The following RAB11FIP2 variants were observed in gnomAD, a reference collection of about 807,000 sequenced individuals.
RAB11FIP2 encodes the protein RAB11 family interacting protein 2.
In RAB11FIP2, 16 loss-of-function variants were observed where a neutral mutation model predicts 40.9. That is an observed-to-expected ratio of 0.39 (90% CI 0.26 to 0.59). RAB11FIP2 has a LOEUF of 0.59. Ranked by LOEUF, RAB11FIP2 falls within the 20% of genes least tolerant of loss-of-function variation. The pLI, the probability that RAB11FIP2 is intolerant of heterozygous loss-of-function variation, is 0.53. For synonymous variants in RAB11FIP2, 228 were observed against 213.7 expected (o/e 1.07, Z -0.58); for missense variants, 532 against 606.2 (o/e 0.88, Z 1.28).
At position 118,040,187 on chromosome 10, in the gene RAB11FIP2, GC is replaced by G; in HGVS notation, c.731del (p.Gly244AlafsTer3). The G allele has an allele frequency of 6.2e-7, 1 of 1,613,806 alleles. No individual in the cohort carries two copies. Among genetic ancestry groups the G allele is most frequent in the Non-Finnish European group, 8.5e-7 (1 of 1,179,758 alleles). On this transcript the variant is annotated frameshift_variant, in exon 2 of 5. Coordinates refer to ENST00000355624, the MANE Select transcript of RAB11FIP2 (RefSeq NM_014904.3). LOFTEE classifies it high-confidence loss of function. ...CGAGAAGATGTGTTTGACCTATGGT[GC>G]CAGCCTTCAGTTTCTCAGAAGACAT... ...SHMSSEKLKA[G>X]TIGQTHLLGH...
Position 118,039,395 on chromosome 10 carries a change from G to T in RAB11FIP2, c.842C>A (p.Ser281Tyr). Residue 281 changes from serine to tyrosine, a missense_variant, in exon 3 of 5, where the codon TCT (serine) becomes TAT (tyrosine). Coordinates refer to ENST00000355624, the MANE Select transcript of RAB11FIP2 (RefSeq NM_014904.3). ...PHRRTLSFDTSKMNQPDSIVD... is the reference protein window; with the variant it reads ...PHRRTLSFDTYKMNQPDSIVD... ...AATGCTGTCAGGTTGGTTCATTTTA[G>T]AAGTATCAAAGCTTAATGTTCTTCT... The T allele has an allele frequency of 6.2e-7, 1 of 1,613,318 alleles. No individual in the cohort carries two copies.
chr10:118,045,048 A>T (rs1338973017), intron 1 of RAB11FIP2, among the ~76,000 whole-genome samples: 1 of 152,172 alleles, frequency 6.6e-6, no homozygotes, highest in Admixed American at 6.5e-5. Context: ...CTCAAGCTCA[A>T]AAGTCATACT....
rs980491716 is a variant in RAB11FIP2, at chr10:118,006,519, C to A, written c.*2479G>T. On this transcript the variant is annotated 3_prime_UTR_variant, in exon 5 of 5. Coordinates refer to ENST00000355624, the MANE Select transcript of RAB11FIP2 (RefSeq NM_014904.3). ...GTTTTGGAAAAATAAACTAAGGTGA[C>A]CTTTTTGGCCTCTTTTTCTACAACG... The A allele has an allele frequency of 1.3e-5, 2 of 152,068 alleles. No individual in the cohort carries two copies. The highest frequency in any genetic ancestry group is 2.9e-5 in the Non-Finnish European group (2 of 67,968). The allele number at this position is 152,068 out of a possible 1,614,324, so 9.4% of individuals were successfully genotyped here.
intron 3 of RAB11FIP2, among the ~76,000 whole-genome samples, chr10:118,026,354 A>T (rs1399398525): frequency 4.6e-5 from 7 of 152,244 alleles, no homozygotes; most frequent in Non-Finnish European, 1.0e-4. Context: ...AAACATTAAA[A>T]ATACAATGAA....
intron 3 of RAB11FIP2, among the ~76,000 whole-genome samples, chr10:118,019,805 G>T (rs1846262057): frequency 6.7e-6 from 1 of 150,212 alleles, no homozygotes; most frequent in South Asian, 2.1e-4. Flanking sequence ...CAACCTGGGG[G>T]AAGGAGCGAG....
At chr10:118,033,448 C>A (rs1402253566) in intron 3 of RAB11FIP2, among the ~76,000 whole-genome samples, 5 of 151,994 alleles carry the variant, frequency 3.3e-5, no homozygotes, top group Admixed American at 6.6e-5. Flanking sequence ...AGACCTAGTA[C>A]AATAAACATT....
chr10:118,015,340 A>C (rs1409417715), intron 3 of RAB11FIP2, among the ~76,000 whole-genome samples: 1 of 152,218 alleles, frequency 6.6e-6, no homozygotes, highest in Non-Finnish European at 1.5e-5. Flanking sequence ...TCAGAACTGA[A>C]GAATGAAATA....
intron 3 of RAB11FIP2, among the ~76,000 whole-genome samples, chr10:118,022,523 A>G (rs1005974710): frequency 6.6e-6 from 1 of 152,224 alleles, no homozygotes; most frequent in African/African-American, 2.4e-5. Context: ...AATGCCAAGG[A>G]ACAATCTACT....
intron 3 of RAB11FIP2, among the ~76,000 whole-genome samples, chr10:118,033,535 G>C (rs767919838): frequency 1.3e-5 from 2 of 152,140 alleles, no homozygotes; most frequent in Non-Finnish European, 2.9e-5. Flanking sequence ...AGAACACTCA[G>C]AGATGAGTTG....
chr10:118,038,944 A>G, intron 3 of RAB11FIP2, 28 bp downstream of exon 3: 2 of 1,448,854 alleles, frequency 1.4e-6, no homozygotes, highest in South Asian at 1.4e-5. Flanking sequence ...TTTCCCAAAT[A>G]GTAGAACTTC....
intron 3 of RAB11FIP2, among the ~76,000 whole-genome samples, chr10:118,035,543 G>A (rs1341289540): frequency 6.6e-6 from 1 of 152,094 alleles, no homozygotes; most frequent in African/African-American, 2.4e-5. Context: ...GCTATACTGT[G>A]TGCATTAGGA....
intron 3 of RAB11FIP2, among the ~76,000 whole-genome samples, chr10:118,015,741 A>G (rs1846211737): frequency 6.6e-6 from 1 of 152,226 alleles, no homozygotes; most frequent in Non-Finnish European, 1.5e-5. Context: ...TGAATGCTAT[A>G]ACTATTTTCT....
At chr10:118,020,640 A>G (rs1324714885) in intron 3 of RAB11FIP2, among the ~76,000 whole-genome samples, 1 of 152,176 alleles carries the variant, frequency 6.6e-6, no homozygotes, top group African/African-American at 2.4e-5. Flanking sequence ...GGGCTGCAGT[A>G]GCATCTCTAC....
At chr10:118,021,800 C>T (rs1846286109) in intron 3 of RAB11FIP2, among the ~76,000 whole-genome samples, 1 of 152,196 alleles carries the variant, frequency 6.6e-6, no homozygotes, top group African/African-American at 2.4e-5. Context: ...TCCAATCACT[C>T]CTTTTCCTTG....
intron 1 of RAB11FIP2, chr10:118,043,501 A>G (rs924980400): frequency 9.9e-5 from 15 of 152,168 alleles, no homozygotes; most frequent in African/African-American, 3.4e-4. Context: ...GGCCCACTCA[A>G]AGGGTTCTGG....
intron 3 of RAB11FIP2, among the ~76,000 whole-genome samples, chr10:118,030,222 A>G (rs1289803905): frequency 6.6e-6 from 1 of 152,140 alleles, no homozygotes; most frequent in Non-Finnish European, 1.5e-5. Context: ...TAATTCTCTC[A>G]AATGCTACCT....
intron 3 of RAB11FIP2, among the ~76,000 whole-genome samples, chr10:118,024,977 G>A (rs1335070304): frequency 6.6e-6 from 1 of 152,118 alleles, no homozygotes; most frequent in Non-Finnish European, 1.5e-5. Flanking sequence ...AGACTTCCAG[G>A]GGCCCCCCAG....
intron 3 of RAB11FIP2, among the ~76,000 whole-genome samples, chr10:118,037,615 C>T (rs1226101236): frequency 6.6e-6 from 1 of 152,054 alleles, no homozygotes; most frequent in Non-Finnish European, 1.5e-5. Flanking sequence ...CTCACCGAAT[C>T]CTATCAAGTG....
rs1206700073 is a variant in RAB11FIP2 at position 118,046,613 on chromosome 10, C to T, written c.-450G>A. 1 of 156,782 alleles carries T rather than the reference C, an allele frequency of 6.4e-6. No homozygotes were observed. Among genetic ancestry groups the T allele is most frequent in the Non-Finnish European group, 1.4e-5 (1 of 71,456 alleles). The allele number at this position is 156,782 out of a possible 1,614,324, so 9.7% of individuals were successfully genotyped here. On this transcript the variant is annotated 5_prime_UTR_variant, in exon 1 of 5. Transcript: ENST00000355624. ...CGCCTCCCGCCCGCCCGGCGTTCGT[C>T]CGCAGGCTCGGCCCGGCTCCTCCTC...
Sources: gnomAD v4.1 joint callset for allele counts (sites outside exome capture counted in the v4.1 genomes callset) on GRCh38, gnomAD v4.1.1 for gene constraint, MANE v1.5 for transcripts, NCBI Gene and HGNC (gene_info 2026-07-23, HGNC 2026-07-21) for gene names.